The following FHAD1 variants were observed in gnomAD, a reference collection of about 807,000 sequenced individuals.
The protein encoded by FHAD1 is forkhead-associated domain-containing protein 1.
Under a neutral mutation model 191.3 loss-of-function variants are expected in FHAD1, and 146 were observed. The ratio of observed to expected loss-of-function variants is 0.76; its 90% CI spans 0.67 to 0.88. The LOEUF is 0.88. Ranked by LOEUF, FHAD1 falls within the 40% of genes least tolerant of loss-of-function variation. The pLI is 0.00. For missense variants in FHAD1, 1,635 were observed against 1,785.8 expected, an observed-to-expected ratio of 0.92 and a Z score of 1.52; for synonymous variants, 616 against 672.3, an observed-to-expected ratio of 0.92 and a Z score of 1.29.
Position 15,301,451 on chromosome 1 carries a change from G to C in FHAD1, c.915+10G>C, listed in dbSNP as rs1432331830. The C allele has an allele frequency of 3.2e-6, 5 of 1,550,868 alleles. No individual in the cohort carries two copies. Among genetic ancestry groups the C allele is most frequent in the Non-Finnish European group, 4.4e-6 (5 of 1,146,676 alleles). On this transcript the variant is annotated intron_variant, in intron 6 of 33. Coordinates refer to ENST00000688493, the MANE Select transcript of FHAD1 (RefSeq NM_001391957.1). ...GAGCTTGAAAAGCCAGGTAGGCAGA[G>C]CCTGAGAGGTACAGCACAGCTCTCA...
intron 1 of FHAD1, among the ~76,000 whole-genome samples, chr1:15,237,562 C>T (rs1318804486): frequency 3.9e-5 from 6 of 152,178 alleles, no homozygotes; most frequent in Non-Finnish European, 5.9e-5. Context: ...GGTGAGCACT[C>T]GGCCCTTCTA....
intron 19 of FHAD1, among the ~76,000 whole-genome samples, chr1:15,351,592 G>T (rs932748154): frequency 6.6e-5 from 10 of 152,184 alleles, no homozygotes; most frequent in Admixed American, 2.6e-4. Flanking sequence ...GGGGTTTGCA[G>T]ATTGGATGCA....
intron 16 of FHAD1, among the ~76,000 whole-genome samples, chr1:15,344,060 T>C (rs1258812888): frequency 6.6e-6 from 1 of 152,156 alleles, no homozygotes; most frequent in Non-Finnish European, 1.5e-5. Flanking sequence ...CGGTGCACCC[T>C]ACCCTCCTTG....
chr1:15,256,935 G>C (rs527637801), intron 2 of FHAD1, among the ~76,000 whole-genome samples: 2 of 152,312 alleles, frequency 1.3e-5, no homozygotes, highest in East Asian at 3.9e-4. Context: ...GTTCTCTATA[G>C]CATGTCAGCT....
chr1:15,250,235 C>T (rs1419090739), intron 1 of FHAD1, among the ~76,000 whole-genome samples: 1 of 152,258 alleles, frequency 6.6e-6, no homozygotes, highest in Non-Finnish European at 1.5e-5. Context: ...CACACTGCAT[C>T]TTTAGACGTA....
chr1:15,342,539 A>T (rs1687171243), intron 16 of FHAD1, among the ~76,000 whole-genome samples: 1 of 152,210 alleles, frequency 6.6e-6, no homozygotes, highest in Non-Finnish European at 1.5e-5. Flanking sequence ...AGAACCATCC[A>T]GATGCTTTGC....
intron 6 of FHAD1, among the ~76,000 whole-genome samples, chr1:15,302,552 C>T (rs943941506): frequency 1.8e-4 from 27 of 152,154 alleles, no homozygotes; most frequent in African/African-American, 5.8e-4. Context: ...AGTGAAACCC[C>T]GTCTCTACTA....
chr1:15,315,742 T>A (rs913519372), intron 8 of FHAD1, among the ~76,000 whole-genome samples: 5 of 152,068 alleles, frequency 3.3e-5, no homozygotes, highest in Non-Finnish European at 5.9e-5. Context: ...CACCTCGGCC[T>A]CCCAAAGTGC....
chr1:15,391,069 C>T (rs1228422137), intron 32 of FHAD1, 141 bp from the exon 33 acceptor site: 5 of 281,676 alleles, frequency 1.8e-5, no homozygotes, highest in Non-Finnish European at 2.7e-5. Flanking sequence ...CAGATGCTAC[C>T]TGTTTGGAAT....
Position 15,365,843 on chromosome 1 carries a change from G to A in FHAD1, c.3064G>A (p.Ala1022Thr). The A allele has an allele frequency of 6.4e-7, 1 of 1,550,922 alleles. No homozygotes were observed. The highest frequency in any genetic ancestry group is 2.0e-5 in the Admixed American group (1 of 50,978). ...YEHLIDDLLAAQKEILSQQEV... is the reference protein window; with the variant it reads ...YEHLIDDLLATQKEILSQQEV... ...GAATTTCAGAGATGACTTATTGGCT[G>A]CTCAGAAGGAAATTCTGTCTCAGCA... Residue 1022 changes from alanine (A) to threonine (T), a missense_variant, in exon 24 of 34, where the codon GCT becomes ACT. Transcript: ENST00000688493.
intron 3 of FHAD1, among the ~76,000 whole-genome samples, chr1:15,286,004 A>G (rs529440524): frequency 3.3e-5 from 5 of 152,244 alleles, no homozygotes; most frequent in Non-Finnish European, 7.3e-5. Flanking sequence ...ATTTAAATTC[A>G]TAGAAATAGA....
At chr1:15,301,585 G>A (rs2100900463) in intron 6 of FHAD1, 144 bp downstream of exon 6, 1 of 673,526 alleles carries the variant, frequency 1.5e-6, no homozygotes, top group East Asian at 2.7e-5. Context: ...CCACAAGACT[G>A]GGAGATTCGG....
chr1:15,269,353 T>C (rs554475618), intron 2 of FHAD1, among the ~76,000 whole-genome samples: 11 of 152,316 alleles, frequency 7.2e-5, no homozygotes, highest in African/African-American at 2.4e-4. Flanking sequence ...AAATTTTAAG[T>C]GGTATTTTCA....
chr1:15,346,948 T>C lies in FHAD1; in HGVS notation c.2346+1425T>C, dbSNP rs568354094. On this transcript the variant is annotated intron_variant, in intron 18 of 33. Transcript: ENST00000688493. The stretch of plus-strand genomic sequence containing the variant: ...TTACTACTGTCTCTGCTGCCACTTG[T>C]GCCTCTTCTTCTGTTTGGGCATTTG... Among the ~76,000 whole-genome samples, 128 of 152,356 alleles carry C rather than the reference T, an allele frequency of 8.4e-4. 1 individual carries two copies. The highest frequency in any genetic ancestry group is 2.8e-3 in the African/African-American group (115 of 41,588).
rs1298962849 is a variant in FHAD1 at position 15,367,613 on chromosome 1, A to T, written c.3305A>T (p.Glu1102Val). The T allele has an allele frequency of 6.6e-6, 5 of 753,360 alleles. No individual in the cohort carries two copies. The highest frequency in any genetic ancestry group is 3.0e-5 in the Admixed American group (1 of 33,296). The allele number at this position is 753,360 out of a possible 1,614,324, so 46.7% of individuals were successfully genotyped here. A position where few individuals can be genotyped will look rare whatever the true frequency, so the allele number is the denominator to read the frequency against. The part of the protein sequence containing the change: ...KKDRELKALE[E>V]ALRASQEKHR... ...GATCGGGAGCTGAAGGCCCTTGAGG[A>T]GGCACTCAGGTTGGGTGGGCGGGGG... The change falls in exon 25 of 34, where the codon GAG (glutamate) becomes GTG (valine). Residue 1102 changes from glutamate to valine, a missense_variant. By Grantham distance (121) the Glu-to-Val change is moderately radical. Transcript: ENST00000688493.
intron 16 of FHAD1, among the ~76,000 whole-genome samples, chr1:15,344,437 A>G (rs913168797): frequency 2.6e-5 from 4 of 152,214 alleles, no homozygotes; most frequent in Non-Finnish European, 4.4e-5. Context: ...TAGATCAGGG[A>G]TTGGCCAAAT....
At chr1:15,395,358 A>ATCGTCTCTC (rs577301116) in intron 33 of FHAD1, among the ~76,000 whole-genome samples, 47 of 151,072 alleles carry the variant, frequency 3.1e-4, no homozygotes, top group African/African-American at 1.1e-3. Flanking sequence ...TAGCCCAGGC[A>ATCGTCTCTC]TCGTCTCTCT....
intron 2 of FHAD1, among the ~76,000 whole-genome samples, chr1:15,267,667 T>C (rs2101108070): frequency 6.6e-6 from 1 of 151,866 alleles, no homozygotes; most frequent in Middle Eastern, 3.4e-3. Flanking sequence ...CCTCCTTGTA[T>C]GAGTTTGGGT....
At chr1:15,288,771 C>G (rs1254824501) in intron 3 of FHAD1, among the ~76,000 whole-genome samples, 2 of 152,226 alleles carry the variant, frequency 1.3e-5, no homozygotes, top group African/African-American at 4.8e-5. Flanking sequence ...GTCCCTTGTT[C>G]TTGCCTGGCC....
Sources: allele counts gnomAD v4.1 joint callset (sites outside exome capture counted in the v4.1 genomes callset), GRCh38; gene constraint gnomAD v4.1.1; transcripts MANE v1.5; gene names NCBI Gene and HGNC (gene_info 2026-07-23, HGNC 2026-07-21).